Variants in ATP6V1C2 observed in about 807,000 individuals in gnomAD.
ATP6V1C2 encodes ATPase H+ transporting V1 subunit C2, also known as V-type proton ATPase subunit C 2.
A neutral mutation model predicts 56.8 loss-of-function variants in ATP6V1C2; 45 were observed. The ratio of observed to expected loss-of-function variants is 0.79; its 90% CI spans 0.62 to 1.02. ATP6V1C2 has a LOEUF of 1.02. Ranked by LOEUF, ATP6V1C2 falls within the 50% of genes least tolerant of loss-of-function variation. The pLI, the probability that ATP6V1C2 is intolerant of heterozygous loss-of-function variation, is 0.00. For missense variants in ATP6V1C2, 463 were observed against 519.7 expected (o/e 0.89, Z 1.06); for synonymous variants, 220 against 201.3 (o/e 1.09, Z -0.79).
At chr2:10,739,696 A>G (rs901812139) in intron 3 of ATP6V1C2, among the ~76,000 whole-genome samples, 6 of 152,204 alleles carry the variant, frequency 3.9e-5, no homozygotes, top group Non-Finnish European at 8.8e-5. Flanking sequence ...AGCCCACTGT[A>G]TAAGTTATCT....
intron 3 of ATP6V1C2, among the ~76,000 whole-genome samples, chr2:10,744,852 G>A (rs1457319670): frequency 1.3e-5 from 2 of 150,814 alleles, no homozygotes; most frequent in Non-Finnish European, 3.0e-5. Context: ...TGTATTTTTT[G>A]TAGAGATGGG....
intron 3 of ATP6V1C2, among the ~76,000 whole-genome samples, chr2:10,745,066 C>T (rs1355308272): frequency 1.8e-4 from 18 of 99,432 alleles, no homozygotes; most frequent in African/African-American, 5.9e-4. Flanking sequence ...TTTTCTGAGA[C>T]GGAATTTCAT....
chr2:10,759,457 T>G (rs1190080103), intron 4 of ATP6V1C2, among the ~76,000 whole-genome samples: 1 of 152,154 alleles, frequency 6.6e-6, no homozygotes, highest in Non-Finnish European at 1.5e-5. Flanking sequence ...GCAGGCCTCC[T>G]TTTTGTTCTC....
chr2:10,722,121 C>T (rs185204561), intron 1 of ATP6V1C2, among the ~76,000 whole-genome samples: 3 of 152,132 alleles, frequency 2.0e-5, no homozygotes, highest in African/African-American at 7.2e-5. Context: ...GGAACCTGGC[C>T]GAGGGGGAAA....
At chr2:10,760,688 G>A (rs558369616) in intron 4 of ATP6V1C2, among the ~76,000 whole-genome samples, 30 of 152,348 alleles carry the variant, frequency 2.0e-4, no homozygotes, top group African/African-American at 6.7e-4. Context: ...CCTTGCTGGG[G>A]CTCATAGTGC....
intron 2 of ATP6V1C2, among the ~76,000 whole-genome samples, chr2:10,724,062 A>G (rs1182766487): frequency 6.6e-6 from 1 of 151,884 alleles, no homozygotes; most frequent in Non-Finnish European, 1.5e-5. Flanking sequence ...ACGCCTGGCC[A>G]CACAATTATT....
At position 10,754,155 on chromosome 2, in the gene ATP6V1C2, C is replaced by T. The variant is rs539189692; in HGVS notation, c.283+89C>T. On this transcript the variant is annotated intron_variant, in intron 4 of 13. Coordinates refer to ENST00000272238, the MANE Select transcript of ATP6V1C2 (RefSeq NM_001039362.2). ...CTTGCTGTGGCCACACAGCAATCAC[C>T]GAGATGGCCCAGGTCTCAGTGGATG... is the stretch of plus-strand genomic sequence containing the variant. 1,251 of 1,090,768 alleles carry T rather than the reference C, an allele frequency of 1.1e-3. 5 individuals carry two copies. The highest frequency in any genetic ancestry group is 1.4e-3 in the Non-Finnish European group (1,066 of 735,208). 67.6% of individuals were successfully genotyped at this position (1,090,768 alleles called of 1,614,324 possible). A position where few individuals can be genotyped will look rare whatever the true frequency, so the allele number is the denominator to read the frequency against.
At chr2:10,764,012 C>T (rs755325977) in intron 4 of ATP6V1C2, among the ~76,000 whole-genome samples, 3 of 152,212 alleles carry the variant, frequency 2.0e-5, no homozygotes, top group African/African-American at 4.8e-5. Context: ...ATAGCATATA[C>T]TGAAAAACGC....
chr2:10,741,556 C>A (rs187707844), intron 3 of ATP6V1C2, among the ~76,000 whole-genome samples: 4 of 152,084 alleles, frequency 2.6e-5, no homozygotes, highest in Non-Finnish European at 4.4e-5. Flanking sequence ...TGACAGTGGC[C>A]GGGCACTGGC....
intron 12 of ATP6V1C2, among the ~76,000 whole-genome samples, chr2:10,779,680 G>T (rs550646399): frequency 1.5e-5 from 2 of 131,906 alleles, no homozygotes; most frequent in African/African-American, 3.0e-5. Flanking sequence ...GAGAAACTCC[G>T]GCTATAGAAA....
chr2:10,738,837 G>T (rs1327760248), intron 3 of ATP6V1C2, among the ~76,000 whole-genome samples: 1 of 152,190 alleles, frequency 6.6e-6, no homozygotes, highest in East Asian at 1.9e-4. Flanking sequence ...CTGGGCACCA[G>T]CTCCCTGTCC....
At chr2:10,737,354 C>A (rs562178420) in intron 3 of ATP6V1C2, among the ~76,000 whole-genome samples, 1 of 150,070 alleles carries the variant, frequency 6.7e-6, no homozygotes, top group Non-Finnish European at 1.5e-5. Flanking sequence ...GGCTTGAACC[C>A]GGGAGGTGCA....
chr2:10,770,479 T>C (rs776062198), intron 6 of ATP6V1C2, among the ~76,000 whole-genome samples: 6 of 152,206 alleles, frequency 3.9e-5, no homozygotes, highest in Non-Finnish European at 4.4e-5. Flanking sequence ...GCATGAGCTA[T>C]GGAGGATGGG....
chr2:10,783,086 C>T, intron 13 of ATP6V1C2, 88 bp from the exon 14 acceptor site: 1 of 968,278 alleles, frequency 1.0e-6, no homozygotes, highest in Non-Finnish European at 1.7e-6. Context: ...AACGTACGCT[C>T]AGTGCCTGGC....
chr2:10,739,871 G>T (rs1031984585), intron 3 of ATP6V1C2, among the ~76,000 whole-genome samples: 2 of 152,028 alleles, frequency 1.3e-5, no homozygotes, highest in Admixed American at 1.3e-4. Flanking sequence ...AGGCCGAGGC[G>T]GGCGGATCAC....
chr2:10,777,857 G>T, intron 11 of ATP6V1C2, 135 bp downstream of exon 11: 1 of 1,133,988 alleles, frequency 8.8e-7, no homozygotes. Context: ...TGAGGAGCCG[G>T]AATCATGCCT....
intron 13 of ATP6V1C2, 92 bp downstream of exon 13, chr2:10,782,467 AG>A: frequency 2.1e-6 from 3 of 1,430,806 alleles, no homozygotes; most frequent in Non-Finnish European, 2.9e-6. Flanking sequence ...ACACTTTGGG[AG>A]GTAGGTGGAT....
intron 2 of ATP6V1C2, 101 bp from the exon 3 acceptor site, chr2:10,726,400 AC>A: frequency 1.1e-6 from 1 of 936,096 alleles, no homozygotes; most frequent in Non-Finnish European, 1.8e-6. Context: ...ACCAAGGGTG[AC>A]AAATTCAAGA....
chr2:10,759,687 AG>A (rs1663782693), intron 4 of ATP6V1C2, among the ~76,000 whole-genome samples: 1 of 152,142 alleles, frequency 6.6e-6, no homozygotes, highest in Non-Finnish European at 1.5e-5. Context: ...TGAGTACAGA[AG>A]GCCGGAGGGG....
Sources: allele counts gnomAD v4.1 joint callset (sites outside exome capture counted in the v4.1 genomes callset), GRCh38; gene constraint gnomAD v4.1.1; transcripts MANE v1.5; gene names NCBI Gene and HGNC (gene_info 2026-07-23, HGNC 2026-07-21).